The following TGFBR2 variants were observed in gnomAD, a reference collection of about 807,000 sequenced individuals.
TGFBR2 encodes the protein transforming growth factor beta receptor 2.
TGFBR2 carries 18 observed loss-of-function variants against 49.0 expected under a neutral mutation model. That is an observed-to-expected ratio of 0.37 (90% confidence interval 0.25 to 0.54). The LOEUF (loss-of-function observed/expected upper bound fraction) is 0.54, where lower values mean the gene tolerates loss of function less well. TGFBR2 is among the 20% of genes least tolerant of loss of function. The pLI is 0.85. For synonymous variants in TGFBR2, 282 were observed against 275.9 expected (o/e 1.02, Z -0.22); for missense variants, 525 against 722.6 (o/e 0.73, Z 3.13).
intron 1 of TGFBR2, among the ~76,000 whole-genome samples, chr3:30,636,526 C>A (rs1034246942): frequency 1.3e-5 from 2 of 151,966 alleles, no homozygotes; most frequent in Admixed American, 1.3e-4. Context: ...CTTGCATTTG[C>A]TCATTTATAA....
chr3:30,674,323 T>C (rs1699395819), intron 5 of TGFBR2, 77 bp downstream of exon 5: 4 of 1,573,548 alleles, frequency 2.5e-6, no homozygotes, highest in Admixed American at 3.3e-5. Flanking sequence ...CGAGCATTAT[T>C]CCAGGGGTTA....
chr3:30,661,404 T>C (rs914094776), intron 3 of TGFBR2: 1 of 349,494 alleles, frequency 2.9e-6, no homozygotes, highest in African/African-American at 2.2e-5. Flanking sequence ...GCAAGAGAAG[T>C]AGCAGGAATC....
intron 3 of TGFBR2, among the ~76,000 whole-genome samples, chr3:30,669,576 A>C (rs531492611): frequency 1.3e-5 from 2 of 152,336 alleles, no homozygotes; most frequent in East Asian, 3.9e-4. Flanking sequence ...TACATAGTGC[A>C]TGGGGAAGAC....
chr3:30,621,168 A>C, intron 1 of TGFBR2, among the ~76,000 whole-genome samples: 2 of 152,010 alleles, frequency 1.3e-5, no homozygotes, highest in South Asian at 4.2e-4. Flanking sequence ...CCACTCCTCT[A>C]TGGGAATTCT....
chr3:30,619,517 C>T (rs17025733), intron 1 of TGFBR2, among the ~76,000 whole-genome samples: 6 of 152,262 alleles, frequency 3.9e-5, no homozygotes, highest in Admixed American at 3.9e-4. Context: ...TGATGGGACA[C>T]AGGACCAGTT....
At chr3:30,657,457 T>C (rs542768359) in intron 3 of TGFBR2, among the ~76,000 whole-genome samples, 1 of 152,322 alleles carries the variant, frequency 6.6e-6, no homozygotes, top group Non-Finnish European at 1.5e-5. Flanking sequence ...TCCCTGCTGA[T>C]TGCCTGTGTT....
chr3:30,652,932 A>G (rs1455159866), intron 3 of TGFBR2, among the ~76,000 whole-genome samples: 1 of 152,218 alleles, frequency 6.6e-6, no homozygotes. Flanking sequence ...TTTCAACTCA[A>G]GTGATCATCA....
chr3:30,674,326 A>G, intron 5 of TGFBR2, 80 bp downstream of exon 5: 1 of 1,565,268 alleles, frequency 6.4e-7, no homozygotes, highest in Non-Finnish European at 8.8e-7. Context: ...GCATTATTCC[A>G]GGGGTTACAA....
At chr3:30,612,847 T>C (rs1269369323) in intron 1 of TGFBR2, among the ~76,000 whole-genome samples, 3 of 152,174 alleles carry the variant, frequency 2.0e-5, no homozygotes, top group East Asian at 3.9e-4. Flanking sequence ...TGAAAACTTA[T>C]AGGAGGTTAA....
At chr3:30,691,223 C>T (rs113423659) in intron 6 of TGFBR2, among the ~76,000 whole-genome samples, 197 bp from the exon 7 acceptor site, 41 of 152,320 alleles carry the variant, frequency 2.7e-4, no homozygotes, top group African/African-American at 9.4e-4. Flanking sequence ...CAGCTGCCAC[C>T]AGCACAAACC....
At chr3:30,636,017 A>G (rs748328617) in intron 1 of TGFBR2, among the ~76,000 whole-genome samples, 1 of 152,204 alleles carries the variant, frequency 6.6e-6, no homozygotes. Flanking sequence ...CTCTCAAACT[A>G]GAATATAAGC....
chr3:30,644,994 T>C, intron 2 of TGFBR2, 79 bp downstream of exon 2: 1 of 1,299,458 alleles, frequency 7.7e-7, no homozygotes. Flanking sequence ...ACAGTCAGTG[T>C]ATCTCTGTCT....
Position 30,692,496 on chromosome 3 carries a change from T to C in TGFBR2, c.*897T>C, listed in dbSNP as rs1699734172. 4.3e-6 allele frequency: 1 copy of C among 232,940 alleles called. No individual in the cohort carries two copies. The highest frequency in any genetic ancestry group is 5.6e-5 in the Admixed American group (1 of 17,780). 14.4% of individuals were successfully genotyped at this position (232,940 alleles called of 1,614,324 possible). A position where few individuals can be genotyped will look rare whatever the true frequency, so the allele number is the denominator to read the frequency against. The stretch of plus-strand genomic sequence containing the variant: ...TCTACTAATGAAAAATTGTTCTTTT[T>C]TTCATCTTTCCCCTGCACTTATGTT... On this transcript the variant is annotated 3_prime_UTR_variant, in exon 7 of 7. Transcript: ENST00000295754.
At chr3:30,633,433 G>A (rs943225625) in intron 1 of TGFBR2, among the ~76,000 whole-genome samples, 4 of 152,184 alleles carry the variant, frequency 2.6e-5, no homozygotes, top group Non-Finnish European at 5.9e-5. Context: ...AGAATTACAT[G>A]CATGTTAAAA....
chr3:30,679,375 C>T (rs1277546143), intron 5 of TGFBR2, among the ~76,000 whole-genome samples: 1 of 152,148 alleles, frequency 6.6e-6, no homozygotes, highest in African/African-American at 2.4e-5. Context: ...ACAGGGAAAA[C>T]AGAGAAAGAA....
At chr3:30,686,859 T>A (rs1011952771) in intron 5 of TGFBR2, among the ~76,000 whole-genome samples, 2 of 152,206 alleles carry the variant, frequency 1.3e-5, no homozygotes, top group Non-Finnish European at 2.9e-5. Context: ...TTTGTTTTAA[T>A]GTTTGGCCAG....
Position 30,610,538 on chromosome 3 carries a change from C to G in TGFBR2, c.94+3561C>G, listed in dbSNP as rs1265320001. Among the ~76,000 whole-genome samples, 6 of 152,136 alleles carry G rather than the reference C, an allele frequency of 3.9e-5. No individual in the cohort carries two copies. The East Asian group carries it at 1.2e-3, about 29-fold the overall frequency. On this transcript the variant is annotated intron_variant, in intron 1 of 6. Transcript: ENST00000295754. ...ATTTAGTGCTCTCTTTGAGGATAGG[C>G]TGGTGGTAGAAGAGTGTAGGGTATA...
intron 1 of TGFBR2, among the ~76,000 whole-genome samples, chr3:30,637,063 G>GGAA: frequency 1.0e-5 from 1 of 99,156 alleles, no homozygotes; most frequent in African/African-American, 3.9e-5. Flanking sequence ...GACTCTGTCT[G>GGAA]AAAAAAAAAA....
intron 3 of TGFBR2, among the ~76,000 whole-genome samples, chr3:30,657,866 T>C (rs921586825): frequency 5.9e-5 from 9 of 152,188 alleles, no homozygotes; most frequent in African/African-American, 1.9e-4. Flanking sequence ...TTCACTGCAT[T>C]GTATTGTTAT....
Sources: allele counts gnomAD v4.1 joint callset (sites outside exome capture counted in the v4.1 genomes callset), GRCh38; gene constraint gnomAD v4.1.1; transcripts MANE v1.5; gene names NCBI Gene and HGNC (gene_info 2026-07-23, HGNC 2026-07-21).